The following PKIG variants were observed in gnomAD, a reference collection of about 807,000 sequenced individuals.
PKIG encodes protein kinase (cAMP-dependent, catalytic) inhibitor gamma.
Under a neutral mutation model 6.8 loss-of-function variants are expected in PKIG, and 1 was observed. The ratio of observed to expected loss-of-function variants is 0.15; its 90% CI spans 0.05 to 0.69. PKIG has a LOEUF of 0.69. Ranked by LOEUF, PKIG falls within the 30% of genes least tolerant of loss-of-function variation. The pLI, the probability that PKIG is intolerant of heterozygous loss-of-function variation, is 0.82. For synonymous variants in PKIG, 39 were observed against 43.0 expected, an observed-to-expected ratio of 0.91 and a Z score of 0.36; for missense variants, 77 against 104.0, an observed-to-expected ratio of 0.74 and a Z score of 1.13.
Position 44,554,187 on chromosome 20 carries a change from C to T in PKIG, c.-241+22209C>T, listed in dbSNP as rs553790207. On this transcript the variant is annotated intron_variant, in intron 1 of 4. Coordinates refer to the PKIG transcript ENST00000372887. ...CTGCCTCGCAGGCTCAAGCAATTCTCGTGCCTCAGCCTTCCCAGTACCTGG... is the reference window on the plus strand; with the variant it reads ...CTGCCTCGCAGGCTCAAGCAATTCTTGTGCCTCAGCCTTCCCAGTACCTGG... 3.4e-4 allele frequency among the ~76,000 whole-genome samples: 51 copies of T among 152,096 alleles called. 1 individual carries two copies. The South Asian group carries it at 8.7e-3, about 26-fold the overall frequency.
chr20:44,572,005 TTTTG>T (rs766950345), intron 1 of PKIG, among the ~76,000 whole-genome samples: 2 of 152,178 alleles, frequency 1.3e-5, no homozygotes, highest in Non-Finnish European at 2.9e-5. Context: ...ATATACATGT[TTTTG>T]TTTGTTTGTT....
rs191342015 is a variant in PKIG, at chr20:44,564,631, G to C, written c.-240-17954G>C. Among the ~76,000 whole-genome samples the C allele has an allele frequency of 4.2e-3, 634 of 152,188 alleles. 4 individuals are homozygous for C. Among genetic ancestry groups the C allele is most frequent in the African/African-American group, 0.013 (524 of 41,524 alleles). The stretch of plus-strand genomic sequence containing the variant: ...TGTGTTTTCCACAGCGAGAATCAGA[G>C]CTCCTGGGCTCAAGCCTCCTGCCTC... On this transcript the variant is annotated intron_variant, in intron 1 of 4. Coordinates refer to the PKIG transcript ENST00000372887.
chr20:44,572,734 A>C (rs1324635894), intron 1 of PKIG, among the ~76,000 whole-genome samples: 1 of 152,128 alleles, frequency 6.6e-6, no homozygotes, highest in South Asian at 2.1e-4. Context: ...CATTGTTCAG[A>C]TGCCAGCACA....
intron 1 of PKIG, among the ~76,000 whole-genome samples, chr20:44,567,097 A>T (rs922170805): frequency 1.3e-5 from 2 of 152,096 alleles, no homozygotes; most frequent in African/African-American, 4.8e-5. Context: ...AGCATTTCTT[A>T]AAAAAAAGTA....
At chr20:44,588,102 T>G (rs559956350) in intron 1 of PKIG, among the ~76,000 whole-genome samples, 2 of 152,282 alleles carry the variant, frequency 1.3e-5, no homozygotes, top group African/African-American at 4.8e-5. Flanking sequence ...CCTAAGAGAT[T>G]GGAGGAGCAG....
chr20:44,585,119 G>A (rs1321107326), intron 1 of PKIG: 2 of 152,402 alleles, frequency 1.3e-5, no homozygotes, highest in African/African-American at 4.8e-5. Context: ...AGGAGGTGAT[G>A]TTCTGGAAGG....
At chr20:44,542,272 T>A (rs186280100) in intron 1 of PKIG, among the ~76,000 whole-genome samples, 1 of 152,296 alleles carries the variant, frequency 6.6e-6, no homozygotes, top group Admixed American at 6.5e-5. Flanking sequence ...AAATGTCTCA[T>A]GAAGTCATGT....
intron 2 of PKIG, among the ~76,000 whole-genome samples, chr20:44,608,521 G>T (rs1416178273): frequency 6.6e-6 from 1 of 152,030 alleles, no homozygotes; most frequent in African/African-American, 2.4e-5. Context: ...TAATACTGTG[G>T]GCCAGGCGCA....
chr20:44,580,587 A>G (rs531184281), upstream of PKIG, among the ~76,000 whole-genome samples: 6 of 152,078 alleles, frequency 3.9e-5, no homozygotes, highest in South Asian at 1.0e-3. Context: ...AGCTCAGGCA[A>G]TCCACCCACC....
intron 1 of PKIG, among the ~76,000 whole-genome samples, chr20:44,541,697 T>TC (rs2064563212): frequency 6.8e-6 from 1 of 147,492 alleles, no homozygotes; most frequent in African/African-American, 2.5e-5. Flanking sequence ...TTTAGGTTCT[T>TC]TTTTTTTTTT....
intron 1 of PKIG, among the ~76,000 whole-genome samples, chr20:44,576,692 C>G (rs2064901174): frequency 1.3e-5 from 2 of 152,092 alleles, no homozygotes; most frequent in African/African-American, 4.8e-5. Context: ...CTCCTTTCAG[C>G]TGCAAAAATC....
At chr20:44,557,053 A>G (rs1016234939) in intron 1 of PKIG, among the ~76,000 whole-genome samples, 2 of 151,784 alleles carry the variant, frequency 1.3e-5, no homozygotes, top group South Asian at 2.1e-4. Context: ...CCATGCATCT[A>G]TCTATTCTAT....
chr20:44,582,058 C>T (rs910816001), upstream of PKIG, among the ~76,000 whole-genome samples: 1 of 152,076 alleles, frequency 6.6e-6, no homozygotes, highest in African/African-American at 2.4e-5. Context: ...TGTTTCCAAG[C>T]CTTCCCCGGG....
chr20:44,610,474 CTCTCTCTCTCT>C (rs1396778284), intron 2 of PKIG, among the ~76,000 whole-genome samples: 6 of 139,480 alleles, frequency 4.3e-5, no homozygotes, highest in Admixed American at 2.9e-4. Flanking sequence ...CTCTCTCTCT[CTCTCTCTCTCT>C]TCTCTCTCTC....
chr20:44,556,160 ATT>A, intron 1 of PKIG, among the ~76,000 whole-genome samples: 1 of 152,226 alleles, frequency 6.6e-6, no homozygotes, highest in Non-Finnish European at 1.5e-5. Flanking sequence ...TTTAAAGTTT[ATT>A]GCTGCTTTAT....
chr20:44,540,782 A>G (rs1600835803), intron 1 of PKIG, among the ~76,000 whole-genome samples: 1 of 152,024 alleles, frequency 6.6e-6, no homozygotes, highest in South Asian at 2.1e-4. Context: ...GGATTTCACC[A>G]TGTTGGCCAG....
At chr20:44,569,942 A>G (rs2064841175) in intron 1 of PKIG, among the ~76,000 whole-genome samples, 1 of 152,218 alleles carries the variant, frequency 6.6e-6, no homozygotes, top group African/African-American at 2.4e-5. Flanking sequence ...CAGCCTGGCG[A>G]CACAGTGAGA....
At chr20:44,570,286 C>T (rs2064843705) in intron 1 of PKIG, among the ~76,000 whole-genome samples, 1 of 152,174 alleles carries the variant, frequency 6.6e-6, no homozygotes, top group Non-Finnish European at 1.5e-5. Context: ...CTTGCCTAAA[C>T]ATTTCCAGTA....
intron 2 of PKIG, among the ~76,000 whole-genome samples, chr20:44,591,899 G>A (rs1326461838): frequency 2.6e-5 from 4 of 152,068 alleles, no homozygotes; most frequent in Non-Finnish European, 5.9e-5. Context: ...GCAGCTTATC[G>A]CCTGGGATGA....
Sources: gnomAD v4.1 joint callset for allele counts (sites outside exome capture counted in the v4.1 genomes callset) on GRCh38, gnomAD v4.1.1 for gene constraint, MANE v1.5 for transcripts, NCBI Gene and HGNC (gene_info 2026-07-23, HGNC 2026-07-21) for gene names.